SUPT3H: variants seen among roughly 807,000 people sequenced by gnomAD.
The protein encoded by SUPT3H is SPT3 homolog, SAGA and STAGA complex component, also known as transcription initiation protein SPT3 homolog.
A neutral mutation model predicts 44.3 loss-of-function variants in SUPT3H; 44 were observed. The observed-to-expected ratio is 0.99, with a 90% confidence interval of 0.78 to 1.28. The LOEUF is 1.28. Among genes scored for constraint, SUPT3H ranks in the 50% most tolerant of loss-of-function variants. The pLI, the probability that SUPT3H is intolerant of heterozygous loss-of-function variation, is 0.00. For missense variants in SUPT3H, 380 were observed against 387.1 expected (o/e 0.98, Z 0.15); for synonymous variants, 124 against 125.6 (o/e 0.99, Z 0.09).
At position 45,146,712 on chromosome 6, in the gene SUPT3H, A is replaced by C. The variant is rs565891474; in HGVS notation, c.102-40706T>G. Among the ~76,000 whole-genome samples, 388 of 152,280 alleles carry C rather than the reference A, an allele frequency of 2.5e-3. 2 individuals are homozygous for C. The highest frequency in any genetic ancestry group is 7.4e-3 in the African/African-American group (309 of 41,564). On this transcript the variant is annotated intron_variant, in intron 2 of 10. Transcript: ENST00000371459. Reference sequence around the variant, plus strand: ...CTACAAAAGGTGGTTGGCCTTATAAAGCATCAAAATTGGGTGAAGTAGATT... The same window carrying C: ...CTACAAAAGGTGGTTGGCCTTATAACGCATCAAAATTGGGTGAAGTAGATT...
At chr6:44,942,307 C>A (rs575332995) in intron 9 of SUPT3H, among the ~76,000 whole-genome samples, 16 of 151,320 alleles carry the variant, frequency 1.1e-4, no homozygotes, top group South Asian at 6.3e-4. Context: ...AAAAAAAAAA[C>A]CAAGTATATG....
At chr6:45,298,343 TAAA>T (rs1323259413) in intron 2 of SUPT3H, among the ~76,000 whole-genome samples, 1 of 152,008 alleles carries the variant, frequency 6.6e-6, no homozygotes, top group Non-Finnish European at 1.5e-5. Flanking sequence ...TTTTGTCACT[TAAA>T]AGAAAAAAAA....
chr6:45,314,668 T>C (rs1163404471), intron 2 of SUPT3H, among the ~76,000 whole-genome samples: 1 of 152,188 alleles, frequency 6.6e-6, no homozygotes, highest in Non-Finnish European at 1.5e-5. Context: ...ACACATCCTA[T>C]GCTCACGGAT....
intron 2 of SUPT3H, among the ~76,000 whole-genome samples, chr6:45,136,670 G>A (rs1200557166): frequency 1.4e-4 from 22 of 151,788 alleles, no homozygotes; most frequent in Admixed American, 1.4e-3. Context: ...ATTCACTAGA[G>A]GGGCTCAATA....
chr6:45,112,804 A>G (rs1415147305), intron 2 of SUPT3H, among the ~76,000 whole-genome samples: 1 of 152,224 alleles, frequency 6.6e-6, no homozygotes, highest in Non-Finnish European at 1.5e-5. Flanking sequence ...GAAACCAAAC[A>G]TAAAGAAAGG....
intron 1 of SUPT3H, among the ~76,000 whole-genome samples, chr6:45,366,790 T>G (rs1795210899): frequency 6.6e-6 from 1 of 152,130 alleles, no homozygotes; most frequent in Non-Finnish European, 1.5e-5. Context: ...CACCCTACAA[T>G]TTGTAAGAAG....
chr6:45,293,799 A>G (rs1447972111), intron 2 of SUPT3H, among the ~76,000 whole-genome samples: 2 of 152,120 alleles, frequency 1.3e-5, no homozygotes, highest in African/African-American at 2.4e-5. Context: ...TAAATTAGAT[A>G]CCCTGAACTG....
chr6:45,272,026 G>GT (rs1776274298), intron 2 of SUPT3H, among the ~76,000 whole-genome samples: 1 of 152,184 alleles, frequency 6.6e-6, no homozygotes, highest in Non-Finnish European at 1.5e-5. Context: ...TGGAATGGCT[G>GT]TATTTACCCA....
At chr6:45,048,314 G>C (rs1789750483) in intron 3 of SUPT3H, among the ~76,000 whole-genome samples, 1 of 148,086 alleles carries the variant, frequency 6.8e-6, no homozygotes, top group African/African-American at 2.5e-5. Flanking sequence ...ATGCTTTTGG[G>C]TTCATATCCA....
intron 10 of SUPT3H, among the ~76,000 whole-genome samples, chr6:44,889,314 T>C (rs1234209188): frequency 1.3e-5 from 2 of 152,044 alleles, no homozygotes; most frequent in East Asian, 1.9e-4. Context: ...ACCAAGTCAA[T>C]CCTAAGCCAA....
chr6:45,229,331 A>T (rs1451124759), intron 2 of SUPT3H, among the ~76,000 whole-genome samples: 3 of 152,162 alleles, frequency 2.0e-5, no homozygotes, highest in Non-Finnish European at 4.4e-5. Flanking sequence ...TCCTAGGAGA[A>T]CTACAAATCA....
At chr6:45,105,164 A>G (rs903031902) in intron 3 of SUPT3H, among the ~76,000 whole-genome samples, 30 of 152,050 alleles carry the variant, frequency 2.0e-4, no homozygotes, top group Admixed American at 4.6e-4. Context: ...GGAAAAGATA[A>G]ATTTTAAAAT....
intron 6 of SUPT3H, among the ~76,000 whole-genome samples, chr6:44,966,509 C>T (rs1418085920): frequency 6.6e-6 from 1 of 151,424 alleles, no homozygotes; most frequent in Non-Finnish European, 1.5e-5. Flanking sequence ...CAAATGAAGA[C>T]ACTGATTTAG....
At chr6:45,180,732 G>T (rs1332448184) in intron 2 of SUPT3H, among the ~76,000 whole-genome samples, 4 of 152,120 alleles carry the variant, frequency 2.6e-5, no homozygotes, top group African/African-American at 9.7e-5. Flanking sequence ...ATGGATTAAA[G>T]ACTTAAATGT....
chr6:45,001,898 T>C (rs1782055228), intron 6 of SUPT3H, among the ~76,000 whole-genome samples: 1 of 152,120 alleles, frequency 6.6e-6, no homozygotes, highest in Non-Finnish European at 1.5e-5. Context: ...AGGCAAGGCC[T>C]ATGCTCTTAA....
chr6:44,896,090 C>A (rs887194122), intron 10 of SUPT3H, among the ~76,000 whole-genome samples: 5 of 152,024 alleles, frequency 3.3e-5, no homozygotes, highest in Non-Finnish European at 7.4e-5. Context: ...ATAAAAAACG[C>A]TGGGAGAGTG....
At chr6:45,230,311 T>C (rs780088264) in intron 2 of SUPT3H, among the ~76,000 whole-genome samples, 35 of 152,256 alleles carry the variant, frequency 2.3e-4, no homozygotes, top group Admixed American at 6.5e-4. Flanking sequence ...ACCTGCCTAA[T>C]GGTGAGAGTG....
In SUPT3H at chr6:45,003,736, G is replaced by T; in HGVS notation, c.421C>A (p.Leu141Ile). 6.2e-7 allele frequency: 1 copy of T among 1,613,814 alleles called. No homozygotes were observed. Among genetic ancestry groups the T allele is most frequent in the Non-Finnish European group, 8.5e-7 (1 of 1,179,844 alleles). ...TCTCCTGTCTGGTCAATAGAGTTGA[G>T]GAAGTCCTGAGCAATCTTTTGTCTT... The part of the protein sequence containing the change: ...NKRQKIAQDF[L>I]NSIDQTGELL... The change falls in exon 6 of 11, where the codon CTC becomes ATC. Residue 141 changes from leucine to isoleucine, a missense_variant. Leu to Ile is a conservative substitution (Grantham distance 5). Transcript: ENST00000371459.
At chr6:45,036,952 A>C (rs1787766572) in intron 3 of SUPT3H, among the ~76,000 whole-genome samples, 1 of 152,158 alleles carries the variant, frequency 6.6e-6, no homozygotes, top group Non-Finnish European at 1.5e-5. Context: ...CTTCCAAAGC[A>C]AGCAGACAGA....
Sources: allele counts gnomAD v4.1 joint callset (sites outside exome capture counted in the v4.1 genomes callset), GRCh38; gene constraint gnomAD v4.1.1; transcripts MANE v1.5; gene names NCBI Gene and HGNC (gene_info 2026-07-23, HGNC 2026-07-21).